Variants in TTC3 observed in about 807,000 individuals in gnomAD.
TTC3 encodes tetratricopeptide repeat domain 3.
TTC3 carries 180 observed loss-of-function variants against 249.6 expected under a neutral mutation model. The ratio of observed to expected loss-of-function variants is 0.72; its 90% CI spans 0.64 to 0.82. The LOEUF (loss-of-function observed/expected upper bound fraction) is 0.82. Among genes scored for constraint, TTC3 ranks in the 40% least tolerant of loss-of-function variants. The pLI, the probability that TTC3 is intolerant of heterozygous loss-of-function variation, is 0.00. For synonymous variants in TTC3, 717 were observed against 805.0 expected (o/e 0.89, Z 1.85); for missense variants, 2,061 against 2,398.4 (o/e 0.86, Z 2.94).
At chr21:37,097,945 A>G (rs2074106801) in intron 10 of TTC3, 1 of 713,852 alleles carries the variant, frequency 1.4e-6, no homozygotes, top group Non-Finnish European at 2.6e-6. Flanking sequence ...AATTTGGAAA[A>G]TACAAGAGTT....
intron 35 of TTC3, among the ~76,000 whole-genome samples, chr21:37,180,466 T>C (rs1389772918): frequency 6.6e-6 from 1 of 151,612 alleles, no homozygotes; most frequent in Non-Finnish European, 1.5e-5. Context: ...TGTAGGGACA[T>C]GGATGAAACT....
intron 27 of TTC3, 150 bp downstream of exon 27, chr21:37,153,427 CTACT>C: frequency 1.3e-6 from 1 of 778,656 alleles, no homozygotes; most frequent in Non-Finnish European, 1.9e-6. Flanking sequence ...CCAGTCCCAG[CTACT>C]TGGGAGGCGG....
chr21:37,160,415 G>A lies in TTC3; in HGVS notation c.3040-387G>A, dbSNP rs553151816. ...GGAGCTGAAGGCTTCTTTATTCACTGTTTGTGCCCCAGTGTCTGGTCAGGT... is the reference window on the plus strand; with the variant it reads ...GGAGCTGAAGGCTTCTTTATTCACTATTTGTGCCCCAGTGTCTGGTCAGGT... On this transcript the variant is annotated intron_variant, in intron 29 of 45. Coordinates refer to ENST00000355666, the Ensembl canonical transcript of TTC3. Among the ~76,000 whole-genome samples, 224 of 152,252 alleles carry A rather than the reference G, an allele frequency of 1.5e-3. 2 individuals carry two copies. The highest frequency in any genetic ancestry group is 4.9e-3 in the African/African-American group (205 of 41,540).
chr21:37,099,942 C>A (rs2074315393), intron 10 of TTC3, among the ~76,000 whole-genome samples: 1 of 152,100 alleles, frequency 6.6e-6, no homozygotes, highest in African/African-American at 2.4e-5. Flanking sequence ...TTCTATATGG[C>A]AGTTAAAATG....
chr21:37,186,884 T>A (rs953847584), intron 37 of TTC3, among the ~76,000 whole-genome samples, 165 bp from the exon 38 acceptor site: 1 of 152,206 alleles, frequency 6.6e-6, no homozygotes, highest in African/African-American at 2.4e-5. Flanking sequence ...AAGAGCACAC[T>A]TGAGCCTGTG....
At chr21:37,153,419 A>T (rs776140739) in intron 27 of TTC3, 142 bp downstream of exon 27, 85 of 830,102 alleles carry the variant, frequency 1.0e-4, no homozygotes, top group Non-Finnish European at 1.4e-4. Context: ...ATACTTTTCC[A>T]GTCCCAGCTA....
rs752028157 is a variant in TTC3, at chr21:37,140,706, G to T, written c.1772+33G>T. On this transcript the variant is annotated intron_variant, in intron 20 of 45. Transcript: ENST00000355666. Reference sequence around the variant, plus strand: ...GAAATGACACTACTTTAAGCTCTAGGCTGGTAACTCATTTAAAATCCAATG... The same window carrying T: ...GAAATGACACTACTTTAAGCTCTAGTCTGGTAACTCATTTAAAATCCAATG... 8.3e-6 allele frequency: 12 copies of T among 1,437,954 alleles called. No individual in the cohort carries two copies. In the South Asian group the frequency reaches 1.0e-4, roughly 12 times the overall value. The allele number at this position is 1,437,954 out of a possible 1,614,324, so 89.1% of individuals were successfully genotyped here. A position where few individuals can be genotyped will look rare whatever the true frequency, so the allele number is the denominator to read the frequency against.
intron 33 of TTC3, 149 bp downstream of exon 33, chr21:37,166,764 A>G (rs2835642): frequency 0.48 from 633,800 of 1,330,822 alleles, 154,699 homozygotes; most frequent in African/African-American, 0.64. Flanking sequence ...TTAAAATATG[A>G]ACTCTTTTGT....
chr21:37,116,112 C>T (rs1340867937), intron 11 of TTC3, among the ~76,000 whole-genome samples: 1 of 152,160 alleles, frequency 6.6e-6, no homozygotes, highest in Non-Finnish European at 1.5e-5. Context: ...ACTCTTGAAT[C>T]CAGACTGTCT....
intron 1 of TTC3, among the ~76,000 whole-genome samples, chr21:37,081,221 G>A (rs1242513979): frequency 2.1e-5 from 3 of 142,158 alleles, no homozygotes; most frequent in African/African-American, 5.2e-5. Context: ...GGATTCAAGC[G>A]ATTCTCCTGC....
intron 11 of TTC3, 24 bp downstream of exon 11, chr21:37,108,470 T>C (rs1162334284): frequency 6.2e-7 from 1 of 1,603,070 alleles, no homozygotes; most frequent in Non-Finnish European, 8.5e-7. Flanking sequence ...GTATTTTATA[T>C]TGAGCAAATA....
chr21:37,183,224 CA>C (rs1056421641), intron 36 of TTC3, among the ~76,000 whole-genome samples: 1 of 152,150 alleles, frequency 6.6e-6, no homozygotes, highest in African/African-American at 2.4e-5. Flanking sequence ...TTTTTCTTAT[CA>C]GCAAAACATG....
chr21:37,078,614 TA>T (rs1316053313), intron 1 of TTC3, among the ~76,000 whole-genome samples: 2 of 152,306 alleles, frequency 1.3e-5, no homozygotes, highest in South Asian at 2.1e-4. Flanking sequence ...AACTTATTGT[TA>T]AATAGAAATT....
At chr21:37,149,284 G>A (rs2079248044) in intron 23 of TTC3, among the ~76,000 whole-genome samples, 1 of 152,132 alleles carries the variant, frequency 6.6e-6, no homozygotes, top group Non-Finnish European at 1.5e-5. Flanking sequence ...TTAGGCTTAT[G>A]CAGACCACTG....
At chr21:37,116,833 A>T (rs944594528) in intron 11 of TTC3, among the ~76,000 whole-genome samples, 22 of 151,470 alleles carry the variant, frequency 1.5e-4, no homozygotes, top group African/African-American at 3.4e-4. Context: ...AAATAAATAA[A>T]TTTTTTTTTA....
At chr21:37,175,697 A>G (rs1876299490) in intron 35 of TTC3, among the ~76,000 whole-genome samples, 1 of 151,804 alleles carries the variant, frequency 6.6e-6, no homozygotes, top group South Asian at 2.1e-4. Flanking sequence ...ATTATTATTC[A>G]TGAGCTAAGA....
At chr21:37,161,783 A>G (rs2080780478) in intron 30 of TTC3, among the ~76,000 whole-genome samples, 1 of 152,222 alleles carries the variant, frequency 6.6e-6, no homozygotes, top group South Asian at 2.1e-4. Flanking sequence ...AGCATTGGAA[A>G]CTATCCTAAA....
intron 5 of TTC3, 72 bp from the exon 6 acceptor site, chr21:37,090,161 C>A: frequency 8.4e-7 from 1 of 1,189,868 alleles, no homozygotes; most frequent in Non-Finnish European, 1.2e-6. Flanking sequence ...AAATGTAGGC[C>A]ATTTTTCCGT....
chr21:37,087,353 T>A, exon 2 of TTC3: 1 of 1,614,060 alleles, frequency 6.2e-7, no homozygotes, highest in Non-Finnish European at 8.5e-7. Context: ...CTGCTGAATT[T>A]ATGAGCAATG....
Sources: gnomAD v4.1 joint callset for allele counts (sites outside exome capture counted in the v4.1 genomes callset) on GRCh38, gnomAD v4.1.1 for gene constraint, MANE v1.5 for transcripts, NCBI Gene and HGNC (gene_info 2026-07-23, HGNC 2026-07-21) for gene names.